Variants in FLNB observed in about 807,000 individuals in gnomAD.
FLNB encodes the protein filamin-B.
A neutral mutation model predicts 250.6 loss-of-function variants in FLNB; 111 were observed. The observed-to-expected ratio is 0.44, with a 90% CI of 0.38 to 0.52. The LOEUF is 0.52. Among genes scored for constraint, FLNB ranks in the 20% least tolerant of loss-of-function variants. FLNB has a pLI of 0.00. For missense variants in FLNB, 2,869 were observed against 3,447.8 expected, an observed-to-expected ratio of 0.83 and a Z score of 4.20; for synonymous variants, 1,302 against 1,372.1, an observed-to-expected ratio of 0.95 and a Z score of 1.13.
chr3:58,061,411 T>A (rs1364271624), intron 1 of FLNB, among the ~76,000 whole-genome samples: 1 of 152,158 alleles, frequency 6.6e-6, no homozygotes, highest in African/African-American at 2.4e-5. Context: ...TTTTTGATGA[T>A]GTATGTCAAG....
intron 1 of FLNB, among the ~76,000 whole-genome samples, chr3:58,055,042 A>G (rs1460865720): frequency 7.2e-5 from 11 of 152,162 alleles, no homozygotes; most frequent in African/African-American, 2.7e-4. Context: ...TGAGGTGGGC[A>G]GATCCCTTGA....
chr3:58,109,716 T>C lies in FLNB; in HGVS notation c.2323+17T>C, dbSNP rs2097265257. The C allele has an allele frequency of 1.1e-5, 17 of 1,613,984 alleles. No homozygotes were observed. The East Asian group carries it at 3.8e-4, about 36-fold the overall frequency. On this transcript the variant is annotated intron_variant, in intron 15 of 45. Coordinates refer to ENST00000295956, the MANE Select transcript of FLNB (RefSeq NM_001457.4). ...CTGGGGAAGGTGAGAAAGGGCTTTG[T>C]TCAACCCAGTGATCATTGCTCCGTG...
At chr3:58,063,543 C>T (rs1304725099) in intron 1 of FLNB, among the ~76,000 whole-genome samples, 3 of 152,176 alleles carry the variant, frequency 2.0e-5, no homozygotes, top group Non-Finnish European at 2.9e-5. Context: ...CAGAGTTCCC[C>T]CTATCTGTCC....
chr3:58,124,258 A>G (rs2097293963), intron 21 of FLNB, 74 bp from the exon 22 acceptor site: 5 of 1,533,244 alleles, frequency 3.3e-6, no homozygotes, highest in South Asian at 2.2e-5. Flanking sequence ...TGAAGTGCCA[A>G]GAACCTTGGT....
chr3:58,156,435 G>A (rs947562618), intron 41 of FLNB, among the ~76,000 whole-genome samples: 2 of 152,226 alleles, frequency 1.3e-5, no homozygotes, highest in Non-Finnish European at 2.9e-5. Context: ...GTGCAGTGAT[G>A]TTTTAGCCTG....
In FLNB at chr3:58,025,765, A is replaced by C. The variant is rs141966680; in HGVS notation, c.292+16909A>C. Among the ~76,000 whole-genome samples the C allele has an allele frequency of 3.3e-4, 50 of 152,324 alleles. 1 individual carries two copies. The highest frequency in any genetic ancestry group is 9.4e-4 in the African/African-American group (39 of 41,576). The stretch of plus-strand genomic sequence containing the variant: ...ACATGGCGAAACCCTGTCTCTACTA[A>C]AAATACAAAAATTAGCCGGAGGTGG... On this transcript the variant is annotated intron_variant, in intron 1 of 45. Transcript: ENST00000295956.
chr3:58,084,271 T>G (rs980334024), intron 4 of FLNB, among the ~76,000 whole-genome samples: 1 of 151,820 alleles, frequency 6.6e-6, no homozygotes, highest in Admixed American at 6.6e-5. Flanking sequence ...ACTTTAAAGG[T>G]TATGCTTCCT....
chr3:58,078,385 G>C lies in FLNB; in HGVS notation c.542-332G>C, dbSNP rs1206534863. On this transcript the variant is annotated intron_variant, in intron 2 of 45. Coordinates refer to ENST00000295956, the MANE Select transcript of FLNB (RefSeq NM_001457.4). ...CTTTTTAGATATATCCAGGAATAGAGTAAAAAATAAAATCCCTCCTGCATA... is the reference window on the plus strand; with the variant it reads ...CTTTTTAGATATATCCAGGAATAGACTAAAAAATAAAATCCCTCCTGCATA... The C allele has an allele frequency of 3.3e-6, 5 of 1,525,306 alleles. No individual in the cohort carries two copies. In the East Asian group the frequency reaches 1.2e-4, roughly 37 times the overall value. The allele number at this position is 1,525,306 out of a possible 1,614,324, so 94.5% of individuals were successfully genotyped here. A position where few individuals can be genotyped will look rare whatever the true frequency, so the allele number is the denominator to read the frequency against.
Position 58,091,895 on chromosome 3 carries a change from A to G in FLNB, c.788-2941A>G, listed in dbSNP as rs1021396058. On this transcript the variant is annotated intron_variant, in intron 4 of 45. Transcript: ENST00000295956. ...GACTGGGATCTGGGGGCTGGATTTT[A>G]CTTTTACAAACAATTTAAAACTTTT... 2.6e-5 allele frequency among the ~76,000 whole-genome samples: 4 copies of G among 152,218 alleles called. No homozygotes were observed. The South Asian group carries it at 8.3e-4, about 32-fold the overall frequency.
At chr3:58,148,531 G>A (rs760918065) in intron 35 of FLNB, 118 bp from the exon 36 acceptor site, 13 of 1,228,238 alleles carry the variant, frequency 1.1e-5, no homozygotes, top group Admixed American at 3.8e-5. Flanking sequence ...TTGTGATATC[G>A]ACACTCTGGA....
intron 1 of FLNB, among the ~76,000 whole-genome samples, chr3:58,047,957 G>A (rs983498372): frequency 1.8e-4 from 28 of 152,200 alleles, no homozygotes; most frequent in African/African-American, 6.7e-4. Flanking sequence ...CTAAGAAAAA[G>A]GACATTCTCC....
intron 6 of FLNB, among the ~76,000 whole-genome samples, chr3:58,097,565 G>C (rs2097241128): frequency 6.6e-6 from 1 of 152,202 alleles, no homozygotes; most frequent in Non-Finnish European, 1.5e-5. Context: ...AAGAGACTAA[G>C]TGTATATAAG....
chr3:58,047,143 C>G (rs1282350935), intron 1 of FLNB, among the ~76,000 whole-genome samples: 1 of 152,134 alleles, frequency 6.6e-6, no homozygotes, highest in Non-Finnish European at 1.5e-5. Context: ...TGCTGCTTTT[C>G]TTAAATGTTT....
intron 1 of FLNB, among the ~76,000 whole-genome samples, chr3:58,047,387 T>G (rs538689203): frequency 6.6e-6 from 1 of 152,268 alleles, no homozygotes; most frequent in African/African-American, 2.4e-5. Context: ...ATTTATTTAT[T>G]TATTTTAGAG....
chr3:58,157,502 G>A (rs2097355053), intron 41 of FLNB, among the ~76,000 whole-genome samples: 1 of 152,204 alleles, frequency 6.6e-6, no homozygotes, highest in Admixed American at 6.5e-5. Flanking sequence ...ACCAGACTCA[G>A]TCCACACATT....
intron 1 of FLNB, among the ~76,000 whole-genome samples, chr3:58,046,131 G>A (rs1452387173): frequency 6.6e-6 from 1 of 152,108 alleles, no homozygotes; most frequent in Non-Finnish European, 1.5e-5. Flanking sequence ...TCTCAGAGAG[G>A]GACAGGCCCT....
Position 58,109,252 on chromosome 3 carries a change from C to T in FLNB, c.2129C>T (p.Pro710Leu), listed in dbSNP as rs1262159783. Residue 710 changes from proline (P) to leucine (L), a missense_variant, in exon 14 of 46, where the codon CCG becomes CTG. Pro to Leu is a moderately conservative substitution (Grantham distance 98, BLOSUM62 -3). Transcript: ENST00000295956. Reference protein sequence around the residue: ...MDGTYACSYTPVKAIKHTIAV... With the variant: ...MDGTYACSYTLVKAIKHTIAV... ...GGCACATATGCATGCTCATACACCC[C>T]GGTGAAGGCCATCAAGCACACCATT... 5.6e-6 allele frequency: 9 copies of T among 1,614,114 alleles called. No homozygotes were observed. The highest frequency in any genetic ancestry group is 4.5e-5 in the East Asian group (2 of 44,888).
At chr3:58,091,968 T>G (rs1390135473) in intron 4 of FLNB, among the ~76,000 whole-genome samples, 5 of 152,152 alleles carry the variant, frequency 3.3e-5, no homozygotes, top group African/African-American at 9.7e-5. Context: ...GAGAAAAAAT[T>G]TGCAAACCAT....
chr3:58,059,084 C>CTAAAAATT (rs1283809217), intron 1 of FLNB, among the ~76,000 whole-genome samples: 3 of 152,166 alleles, frequency 2.0e-5, no homozygotes, highest in Non-Finnish European at 4.4e-5. Flanking sequence ...CTGAGAAGTC[C>CTAAAAATT]TGCAGCAGTT....
Sources: allele counts gnomAD v4.1 joint callset (sites outside exome capture counted in the v4.1 genomes callset), GRCh38; gene constraint gnomAD v4.1.1; transcripts MANE v1.5; gene names NCBI Gene and HGNC (gene_info 2026-07-23, HGNC 2026-07-21).